Variants in SHOX observed in about 807,000 individuals in gnomAD.
SHOX encodes SHOX homeobox, also known as short stature homeobox protein.
SHOX carries 12 observed loss-of-function variants against 29.6 expected under a neutral mutation model. The observed-to-expected ratio is 0.41, with a 90% CI of 0.26 to 0.66. The LOEUF (loss-of-function observed/expected upper bound fraction) is 0.66, where lower values mean the gene tolerates loss of function less well. SHOX is among the 30% of genes least tolerant of loss of function. The probability of loss-of-function intolerance (pLI) is 0.35; values close to 1 mark genes in which losing one functional copy is unlikely to be tolerated. For missense variants in SHOX, 499 were observed against 437.7 expected (o/e 1.14, Z -1.25); for synonymous variants, 214 against 200.6 (o/e 1.07, Z -0.57).
At chrX:641,998 T>C (rs1379701639) in intron 4 of SHOX, among the ~76,000 whole-genome samples, 1 of 152,290 alleles carries the variant, frequency 6.6e-6, no homozygotes, top group Non-Finnish European at 1.5e-5. Context: ...AGCTCCCCAC[T>C]TACTTTGGAG....
In SHOX at chrX:640,985, C is replaced by A. The variant is rs376943490; in HGVS notation, c.545-14C>A. On this transcript the variant is annotated splice_polypyrimidine_tract_variant and intron_variant, in intron 3 of 4. Coordinates refer to ENST00000686671, the MANE Select transcript of SHOX (RefSeq NM_000451.4). Reference sequence around the variant, plus strand: ...CAGGACCACCACACTGACACCTGCTCCCTTTGGACACAGGCGTCATCTTGG... The same window carrying A: ...CAGGACCACCACACTGACACCTGCTACCTTTGGACACAGGCGTCATCTTGG... 6.2e-7 allele frequency: 1 copy of A among 1,613,720 alleles called. No homozygotes were observed. Among genetic ancestry groups the A allele is most frequent in the South Asian group, 1.1e-5 (1 of 91,064 alleles).
In SHOX at chrX:648,719, G is replaced by T. The variant is rs147367763; in HGVS notation, c.*4083G>T. ...TGGCTGCCTTTGGCTTTTCTCCTGC[G>T]AGAGAAGTTGGGTGACTTTCTGTAG... On this transcript the variant is annotated 3_prime_UTR_variant, in exon 5 of 5. Coordinates refer to ENST00000686671, the MANE Select transcript of SHOX (RefSeq NM_000451.4). Among the ~76,000 whole-genome samples the T allele has an allele frequency of 6.6e-6, 1 of 152,192 alleles. No individual in the cohort carries two copies. The highest frequency in any genetic ancestry group is 1.5e-5 in the Non-Finnish European group (1 of 68,046).
chrX:658,064 T>G (rs2053171598), intron 5 of SHOX, among the ~76,000 whole-genome samples: 2 of 151,936 alleles, frequency 1.3e-5, no homozygotes, highest in South Asian at 4.2e-4. Context: ...AACCTCAGCC[T>G]CCCAGGTACA....
chrX:644,418 G>A lies in SHOX; in HGVS notation c.661G>A (p.Val221Met). The stretch of plus-strand genomic sequence containing the variant: ...CCAGGCTCAGCTGCAGCTGGAAGGC[G>A]TGGCCCACGCGCACCCGCACCTGCA... ...QVQAQLQLEG[V>M]AHAHPHLHPH... Residue 221 changes from valine (V) to methionine (M), a missense_variant, in exon 5 of 5, where the codon GTG (valine) becomes ATG (methionine). Coordinates refer to ENST00000686671, the MANE Select transcript of SHOX (RefSeq NM_000451.4). The A allele has an allele frequency of 2.6e-6, 4 of 1,521,582 alleles. No homozygotes were observed. The highest frequency in any genetic ancestry group is 2.6e-5 in the East Asian group (1 of 38,866). 94.3% of individuals were successfully genotyped at this position (1,521,582 alleles called of 1,614,324 possible).
intron 2 of SHOX, among the ~76,000 whole-genome samples, chrX:636,921 G>C (rs2052769346): frequency 7.2e-6 from 1 of 138,286 alleles, no homozygotes; most frequent in South Asian, 2.2e-4. Flanking sequence ...TTGATGGAGA[G>C]GGTTTTACGA....
chrX:626,275 GTCTC>G (rs1483819478), upstream of SHOX, among the ~76,000 whole-genome samples: 1 of 137,110 alleles, frequency 7.3e-6, no homozygotes, highest in Non-Finnish European at 1.6e-5. Flanking sequence ...CTTTTTCTCT[GTCTC>G]TCTCTGTGTC....
chrX:657,559 C>G (rs2053164832), intron 5 of SHOX, among the ~76,000 whole-genome samples: 1 of 152,124 alleles, frequency 6.6e-6, no homozygotes, highest in South Asian at 2.1e-4. Context: ...TCCCCCCACA[C>G]CCCCACACAC....
Position 651,357 on chromosome X carries a change from CCT to C in SHOX, c.*6724_*6725del, listed in dbSNP as rs2053059115. 4.4e-6 allele frequency: 2 copies of C among 455,460 alleles called. No homozygotes were observed. The highest frequency in any genetic ancestry group is 8.8e-6 in the Non-Finnish European group (2 of 226,678). The allele number at this position is 455,460 out of a possible 1,614,324, so 28.2% of individuals were successfully genotyped here. ...AACCAACAGTCTTCACATTTCTATC[CCT>C]CTGTTATTGTCGGCAGGCGGTGAGG... On this transcript the variant is annotated 3_prime_UTR_variant, in exon 5 of 5. Coordinates refer to ENST00000686671, the MANE Select transcript of SHOX (RefSeq NM_000451.4).
chrX:646,827 A>T lies in SHOX; in HGVS notation c.*2191A>T, dbSNP rs2052974356. ...AAAAAAGAGAGAGAGAGGCTTTAATAGTTAAGCTGAAATTTTTATCGAAAA... is the reference window on the plus strand; with the variant it reads ...AAAAAAGAGAGAGAGAGGCTTTAATTGTTAAGCTGAAATTTTTATCGAAAA... On this transcript the variant is annotated 3_prime_UTR_variant, in exon 5 of 5. Coordinates refer to ENST00000686671, the MANE Select transcript of SHOX (RefSeq NM_000451.4). 1 of 152,140 alleles carries T rather than the reference A, an allele frequency of 6.6e-6. No homozygotes were observed. The highest frequency in any genetic ancestry group is 2.4e-5 in the African/African-American group (1 of 41,424). 9.4% of individuals were successfully genotyped at this position (152,140 alleles called of 1,614,324 possible).
chrX:641,123 G>T, intron 4 of SHOX, 36 bp downstream of exon 4: 3 of 1,588,498 alleles, frequency 1.9e-6, no homozygotes, highest in Non-Finnish European at 2.6e-6. Context: ...GATCCCTAGG[G>T]ACCTGCTGCT....
chrX:634,716 C>G lies in SHOX; in HGVS notation c.376C>G (p.Leu126Val), dbSNP rs1404909730. Reference sequence around the variant, plus strand: ...GAGGCGCAGCCGCACCAACTTCACGCTGGAGCAGCTGAACGAGCTCGAGCG... The same window carrying G: ...GAGGCGCAGCCGCACCAACTTCACGGTGGAGCAGCTGAACGAGCTCGAGCG... ...KQRRSRTNFT[L>V]EQLNELERLF... is the part of the protein sequence containing the mutation. The change falls in exon 2 of 5, where the codon CTG becomes GTG. Residue 126 changes from leucine (L) to valine (V), a missense_variant. Leu to Val is a conservative substitution (Grantham distance 32). Coordinates refer to ENST00000686671, the MANE Select transcript of SHOX (RefSeq NM_000451.4). The G allele has an allele frequency of 1.2e-6, 2 of 1,613,702 alleles. No individual in the cohort carries two copies. The highest frequency in any genetic ancestry group is 1.7e-4 in the Middle Eastern group (1 of 6,046).
rs1467991908 is a variant in SHOX, at chrX:648,504, C to T, written c.*3868C>T. On this transcript the variant is annotated 3_prime_UTR_variant, in exon 5 of 5. Transcript: ENST00000686671. ...TGTCCCTCGCAAAGTGCTGGGATTACAGGCGTGAGCCACCGCACCTGGCCT... is the reference window on the plus strand; with the variant it reads ...TGTCCCTCGCAAAGTGCTGGGATTATAGGCGTGAGCCACCGCACCTGGCCT... Among the ~76,000 whole-genome samples, 3 of 152,238 alleles carry T rather than the reference C, an allele frequency of 2.0e-5. No homozygotes were observed. Among genetic ancestry groups the T allele is most frequent in the Non-Finnish European group, 1.5e-5 (1 of 68,046 alleles).
In SHOX at chrX:636,965, TA is replaced by T. The variant is rs1289613405; in HGVS notation, c.486+2140del. On this transcript the variant is annotated intron_variant, in intron 2 of 4. Coordinates refer to ENST00000686671, the MANE Select transcript of SHOX (RefSeq NM_000451.4). ...ATTTAAAAATATATATATATATATA[TA>T]TATATTTTGGCTCCTGATTCTCTTC... Among the ~76,000 whole-genome samples the T allele has an allele frequency of 1.0e-4, 15 of 143,136 alleles. No homozygotes were observed. In the East Asian group the frequency reaches 1.6e-3, roughly 15 times the overall value. The allele number at this position is 143,136 out of a possible 152,430, so 93.9% of individuals were successfully genotyped here. A position where few individuals can be genotyped will look rare whatever the true frequency, so the allele number is the denominator to read the frequency against.
rs1556473094 is a variant in SHOX, at chrX:650,800, A to AAC, written c.*6165_*6166insCA. On this transcript the variant is annotated 3_prime_UTR_variant, in exon 5 of 5. Coordinates refer to ENST00000686671, the MANE Select transcript of SHOX (RefSeq NM_000451.4). ...GTGGACACGTTTGACATTAAAAAAA[A>AAC]AAAAAAAAAAAAAAAAAAACTGGTG... is the stretch of plus-strand genomic sequence containing the variant. Among the ~76,000 whole-genome samples the AAC allele has an allele frequency of 3.7e-5, 5 of 136,652 alleles. No homozygotes were observed. The highest frequency in any genetic ancestry group is 1.1e-4 in the African/African-American group (4 of 37,962). 89.6% of individuals were successfully genotyped at this position (136,652 alleles called of 152,430 possible).
At position 650,728 on chromosome X, in the gene SHOX, C is replaced by G. The variant is rs1203419883; in HGVS notation, c.*6092C>G. On this transcript the variant is annotated 3_prime_UTR_variant, in exon 5 of 5. Transcript: ENST00000686671. Reference sequence around the variant, plus strand: ...TTCGGAGGCACTTTGCTGGAAGCCGCTTGTCTCCTCCAGCTTTGGGAGGTC... The same window carrying G: ...TTCGGAGGCACTTTGCTGGAAGCCGGTTGTCTCCTCCAGCTTTGGGAGGTC... Among the ~76,000 whole-genome samples, 1 of 144,026 alleles carries G rather than the reference C, an allele frequency of 6.9e-6. No individual in the cohort carries two copies. The highest frequency in any genetic ancestry group is 1.5e-5 in the Non-Finnish European group (1 of 66,922). 94.5% of individuals were successfully genotyped at this position (144,026 alleles called of 152,430 possible).
At chrX:640,945 G>A in intron 3 of SHOX, 54 bp from the exon 4 acceptor site, 3 of 1,613,400 alleles carry the variant, frequency 1.9e-6, no homozygotes, top group South Asian at 2.2e-5. Context: ...GGGTCGACGA[G>A]GTGCTGGCTA....
chrX:658,937 G>A (rs1236269286), exon 6 of SHOX: 3 of 244,368 alleles, frequency 1.2e-5, no homozygotes, highest in African/African-American at 4.8e-5. Context: ...GATAATGTTT[G>A]TATTTTCAGT....
In SHOX at chrX:644,682, A is replaced by T; in HGVS notation, c.*46A>T. 7.2e-7 allele frequency: 1 copy of T among 1,391,500 alleles called. No individual in the cohort carries two copies. Among genetic ancestry groups the T allele is most frequent in the Non-Finnish European group, 9.2e-7 (1 of 1,084,610 alleles). The allele number at this position is 1,391,500 out of a possible 1,614,324, so 86.2% of individuals were successfully genotyped here. The stretch of plus-strand genomic sequence containing the variant: ...GCGCCCGGACTCCCGGGCTCCGCGC[A>T]CCCCGCCTGCACCGCGCGTCCTGCA... On this transcript the variant is annotated 3_prime_UTR_variant, in exon 5 of 5. Transcript: ENST00000686671.
Position 646,184 on chromosome X carries a change from A to C in SHOX, c.*1548A>C, listed in dbSNP as rs1018778805. The C allele has an allele frequency of 6.6e-6, 1 of 152,190 alleles. No homozygotes were observed. The highest frequency in any genetic ancestry group is 2.4e-5 in the African/African-American group (1 of 41,450). 9.4% of individuals were successfully genotyped at this position (152,190 alleles called of 1,614,324 possible). A position where few individuals can be genotyped will look rare whatever the true frequency, so the allele number is the denominator to read the frequency against. On this transcript the variant is annotated 3_prime_UTR_variant, in exon 5 of 5. Transcript: ENST00000686671. ...ACGTGCCCCCAGTTTTATAAACAGC[A>C]GATAGCAACTTGTCGTCACAGCTGG...
Sources: gnomAD v4.1 joint callset for allele counts (sites outside exome capture counted in the v4.1 genomes callset) on GRCh38, gnomAD v4.1.1 for gene constraint, MANE v1.5 for transcripts, NCBI Gene and HGNC (gene_info 2026-07-23, HGNC 2026-07-21) for gene names.